P2RX4: variants seen among roughly 807,000 people sequenced by gnomAD.
The protein encoded by P2RX4 is purinergic receptor P2X 4, also known as P2X purinoceptor 4.
P2RX4 carries 37 observed loss-of-function variants against 48.0 expected under a neutral mutation model. The observed-to-expected ratio is 0.77, with a 90% CI of 0.59 to 1.01. The LOEUF (loss-of-function observed/expected upper bound fraction) is 1.01, where lower values mean the gene tolerates loss of function less well. P2RX4 is among the 50% of genes least tolerant of loss of function. P2RX4 has a pLI of 0.00. For synonymous variants in P2RX4, 200 were observed against 199.7 expected (o/e 1.00, Z -0.01); for missense variants, 501 against 521.4 (o/e 0.96, Z 0.38).
Position 121,210,174 on chromosome 12 carries a change from T to TGCTGCGCCGCGCTGGCG in P2RX4, c.13_29dup (p.Phe11AlafsTer27), listed in dbSNP as rs1885710981. ...AGCGGGCGGCGCGGCCATGGCGGGC[T>TGCTGCGCCGCGCTGGCG]GCTGCGCCGCGCTGGCGGCCTTCCT... On this transcript the variant is annotated frameshift_variant, in exon 1 of 12. Coordinates refer to ENST00000337233, the MANE Select transcript of P2RX4 (RefSeq NM_002560.3). LOFTEE classifies it high-confidence loss of function. 3.9e-6 allele frequency: 6 copies of TGCTGCGCCGCGCTGGCG among 1,522,006 alleles called. No individual in the cohort carries two copies. The highest frequency in any genetic ancestry group is 4.4e-6 in the Non-Finnish European group (5 of 1,142,438). The allele number at this position is 1,522,006 out of a possible 1,614,324, so 94.3% of individuals were successfully genotyped here.
chr12:121,212,957 T>C (rs910615699), intron 1 of P2RX4: 6 of 150,760 alleles, frequency 4.0e-5, no homozygotes, highest in South Asian at 4.2e-4. Context: ...AGTGGGAGGA[T>C]CAGTGCACAT....
intron 7 of P2RX4, 32 bp from the exon 8 acceptor site, chr12:121,228,931 A>G: frequency 6.2e-7 from 1 of 1,613,992 alleles, no homozygotes; most frequent in African/African-American, 1.3e-5. Context: ...TGCTGAGGAA[A>G]GCCTTGCCGT....
chr12:121,213,698 TTG>T (rs1244007677), intron 1 of P2RX4: 2 of 152,110 alleles, frequency 1.3e-5, no homozygotes, highest in African/African-American at 4.8e-5. Flanking sequence ...TGGCTAATTA[TTG>T]TGTTTTTGTT....
chr12:121,217,315 G>A, intron 2 of P2RX4, 34 bp downstream of exon 2: 1 of 1,604,668 alleles, frequency 6.2e-7, no homozygotes, highest in Non-Finnish European at 8.5e-7. Context: ...GTCTAACACT[G>A]ACACCTTGCT....
chr12:121,230,263 A>G (rs1887252029), intron 8 of P2RX4, among the ~76,000 whole-genome samples: 1 of 152,214 alleles, frequency 6.6e-6, no homozygotes, highest in Non-Finnish European at 1.5e-5. Flanking sequence ...CATGCCTGTA[A>G]TCCCAGCAAC....
At chr12:121,231,465 C>CG in intron 8 of P2RX4, among the ~76,000 whole-genome samples, 1 of 152,270 alleles carries the variant, frequency 6.6e-6, no homozygotes, top group East Asian at 1.9e-4. Context: ...TGTCATCCCC[C>CG]GGCCCCTGGC....
intron 2 of P2RX4, 96 bp from the exon 3 acceptor site, chr12:121,221,817 C>A: frequency 4.1e-6 from 4 of 965,988 alleles, no homozygotes; most frequent in South Asian, 1.3e-5. Context: ...AGCACGCGGT[C>A]AGTGTTTGAG....
chr12:121,220,151 A>G (rs1042010547), intron 2 of P2RX4, among the ~76,000 whole-genome samples: 2 of 152,196 alleles, frequency 1.3e-5, no homozygotes, highest in African/African-American at 2.4e-5. Flanking sequence ...TCAGTTAGGA[A>G]AGAAAACCAG....
In P2RX4 at chr12:121,223,162, C is replaced by A. The variant is rs568115235; in HGVS notation, c.524+119C>A. On this transcript the variant is annotated intron_variant, in intron 5 of 11. Transcript: ENST00000337233. ...GATCTTGGCTCACCACAACCTCCAC[C>A]TCCCGTGTTCAAGTGATTTTCTGTG... 3.0e-4 allele frequency: 203 copies of A among 677,346 alleles called. 1 individual carries two copies. In the African/African-American group the frequency reaches 3.4e-3, roughly 11 times the overall value. The allele number at this position is 677,346 out of a possible 1,614,324, so 42.0% of individuals were successfully genotyped here. A position where few individuals can be genotyped will look rare whatever the true frequency, so the allele number is the denominator to read the frequency against.
chr12:121,210,234 C>A lies in P2RX4; in HGVS notation c.70C>A (p.Arg24Ser). 1.3e-6 allele frequency: 2 copies of A among 1,563,162 alleles called. No individual in the cohort carries two copies. The highest frequency in any genetic ancestry group is 8.6e-7 in the Non-Finnish European group (1 of 1,159,042). Residue 24 changes from arginine to serine, a missense_variant, in exon 1 of 12, where the codon CGC (arginine) becomes AGC (serine). Physicochemically the swap from Arg to Ser is moderately radical, Grantham distance 110. This residue lies in a region of P2RX4 where 295 missense variants were observed against 275.3 expected (regional missense o/e 1.07). Transcript: ENST00000337233. ...EYDTPRIVLIRSRKVGLMNRA... is the reference protein window; with the variant it reads ...EYDTPRIVLISSRKVGLMNRA... ...CGACACGCCGCGCATCGTGCTCATC[C>A]GCAGCCGCAAAGTGGGGCTCATGAA...
chr12:121,212,825 T>TATA (rs1555234768), intron 1 of P2RX4: 14 of 31,144 alleles, frequency 4.5e-4, no homozygotes, highest in Non-Finnish European at 6.5e-4. Context: ...TATATATATA[T>TATA]TTTTTTTTTT....
Position 121,232,598 on chromosome 12 carries a change from G to T in P2RX4, c.979-13G>T, listed in dbSNP as rs556691788. ...TGCAGAAACACTTTTTTTCTTTTTCGGTGTCTTGGCAGGCAGGGAAATTTG... is the reference window on the plus strand; with the variant it reads ...TGCAGAAACACTTTTTTTCTTTTTCTGTGTCTTGGCAGGCAGGGAAATTTG... On this transcript the variant is annotated splice_polypyrimidine_tract_variant and intron_variant, in intron 9 of 11. Transcript: ENST00000337233. The surrounding 1 kb of genome is among the most constrained non-coding windows in gnomAD (Gnocchi z 4.3). 1.9e-6 allele frequency: 3 copies of T among 1,613,226 alleles called. No homozygotes were observed. The highest frequency in any genetic ancestry group is 2.5e-6 in the Non-Finnish European group (3 of 1,179,442).
chr12:121,230,940 A>G (rs899686364), intron 8 of P2RX4, among the ~76,000 whole-genome samples: 3 of 149,468 alleles, frequency 2.0e-5, no homozygotes, highest in African/African-American at 7.3e-5. Context: ...ATATGTGTAT[A>G]TATATATATA....
intron 5 of P2RX4, among the ~76,000 whole-genome samples, chr12:121,226,405 G>A (rs1465509112): frequency 3.3e-5 from 5 of 151,788 alleles, no homozygotes; most frequent in South Asian, 2.1e-4. Context: ...TTAGCCAGGC[G>A]TGGTGGTGCG....
At chr12:121,216,861 A>G (rs1055538963) in intron 1 of P2RX4, 8 of 673,484 alleles carry the variant, frequency 1.2e-5, no homozygotes, top group Non-Finnish European at 2.1e-5. Context: ...TAATAAAGAC[A>G]GTATTCATCG....
rs1298481458 is a variant in P2RX4, at chr12:121,229,093, A to G, written c.878A>G (p.Asn293Ser). 5 of 1,613,902 alleles carry G rather than the reference A, an allele frequency of 3.1e-6. No homozygotes were observed. The highest frequency in any genetic ancestry group is 4.5e-5 in the East Asian group (2 of 44,882). The change falls in exon 8 of 12, where the codon AAT (asparagine) becomes AGT (serine). Residue 293 changes from asparagine (N) to serine (S), a missense_variant. This residue lies in a region of P2RX4 where 197 missense variants were observed against 219.5 expected (regional missense o/e 0.90). Transcript: ENST00000337233. The surrounding 1 kb of genome is among the most constrained non-coding windows in gnomAD (Gnocchi z 4.6). ...DVEHNVSPGY[N>S]FRFAKYYRDL... ...GAGCACAACGTATCTCCTGGCTACA[A>G]TTTCAGGTGGGCGTGAGCTTGGGCC...
chr12:121,222,398 GTTT>G (rs35562888), intron 4 of P2RX4: 10 of 425,768 alleles, frequency 2.3e-5, no homozygotes, highest in African/African-American at 4.8e-5. Context: ...GTTTTTTCTT[GTTT>G]TTTTTTTTGT....
At position 121,210,208 on chromosome 12, in the gene P2RX4, A is replaced by T; in HGVS notation, c.44A>T (p.Tyr15Phe). The change falls in exon 1 of 12, where the codon TAC becomes TTC. Residue 15 changes from tyrosine to phenylalanine, a missense_variant. Tyr to Phe is a conservative substitution (Grantham distance 22). This residue lies in a region of P2RX4 where 295 missense variants were observed against 275.3 expected (regional missense o/e 1.07). Coordinates refer to ENST00000337233, the MANE Select transcript of P2RX4 (RefSeq NM_002560.3). ...CAALAAFLFE[Y>F]DTPRIVLIRS... Reference sequence around the variant, plus strand: ...GCGCTGGCGGCCTTCCTGTTCGAGTACGACACGCCGCGCATCGTGCTCATC... The same window carrying T: ...GCGCTGGCGGCCTTCCTGTTCGAGTTCGACACGCCGCGCATCGTGCTCATC... 9 of 1,553,838 alleles carry T rather than the reference A, an allele frequency of 5.8e-6. No homozygotes were observed. The highest frequency in any genetic ancestry group is 7.8e-6 in the Non-Finnish European group (9 of 1,155,354).
intron 5 of P2RX4, among the ~76,000 whole-genome samples, chr12:121,224,333 G>A (rs1886844678): frequency 6.6e-6 from 1 of 152,150 alleles, no homozygotes; most frequent in South Asian, 2.1e-4. Flanking sequence ...ATCCTGGCGC[G>A]GTGGCTCATG....
Sources: gnomAD v4.1 joint callset for allele counts (sites outside exome capture counted in the v4.1 genomes callset) on GRCh38, gnomAD v4.1.1 for gene constraint, gnomAD v4.1.1 regional missense constraint, Gnocchi (gnomAD v3.1) non-coding constraint, MANE v1.5 for transcripts, NCBI Gene and HGNC (gene_info 2026-07-23, HGNC 2026-07-21) for gene names.